The following LDLRAD4 variants were observed in gnomAD, a reference collection of about 807,000 sequenced individuals.
LDLRAD4 encodes low-density lipoprotein receptor class A domain-containing protein 4.
A neutral mutation model predicts 17.0 loss-of-function variants in LDLRAD4; 5 were observed. The ratio of observed to expected loss-of-function variants is 0.29; its 90% CI spans 0.15 to 0.62. The LOEUF is 0.62. Ranked by LOEUF, LDLRAD4 falls within the 20% of genes least tolerant of loss-of-function variation. The pLI is 0.84. For missense variants in LDLRAD4, 340 were observed against 424.7 expected (o/e 0.80, Z 1.75); for synonymous variants, 168 against 171.8 (o/e 0.98, Z 0.17).
At chr18:13,548,124 C>T (rs749408349) in intron 3 of LDLRAD4, among the ~76,000 whole-genome samples, 42 of 152,160 alleles carry the variant, frequency 2.8e-4, no homozygotes, top group Non-Finnish European at 4.9e-4. Flanking sequence ...GAGTGGGTGG[C>T]TCCTCTCTGC....
At chr18:13,609,459 C>T (rs555795291) in intron 3 of LDLRAD4, among the ~76,000 whole-genome samples, 2 of 152,320 alleles carry the variant, frequency 1.3e-5, no homozygotes, top group South Asian at 4.1e-4. Context: ...GTTTAAGCCA[C>T]ACATCCCAAG....
chr18:13,536,502 A>G (rs1437227731), intron 3 of LDLRAD4, among the ~76,000 whole-genome samples: 1 of 152,116 alleles, frequency 6.6e-6, no homozygotes, highest in African/African-American at 2.4e-5. Context: ...TATTTGTTCT[A>G]GTAGCTCGTT....
At chr18:13,508,440 C>T (rs1299607979) in intron 3 of LDLRAD4, among the ~76,000 whole-genome samples, 1 of 152,200 alleles carries the variant, frequency 6.6e-6, no homozygotes, top group Non-Finnish European at 1.5e-5. Flanking sequence ...GTTTTCATAG[C>T]TGGAGAGGTC....
chr18:13,224,496 T>TTTTTTTTG, intron 1 of LDLRAD4, among the ~76,000 whole-genome samples: 1 of 147,308 alleles, frequency 6.8e-6, no homozygotes. Context: ...TTTTTTTTTT[T>TTTTTTTTG]TGAGACGGAG....
intron 5 of LDLRAD4, 52 bp downstream of exon 6, chr18:13,643,464 G>GGGGGGC: frequency 3.5e-6 from 1 of 288,988 alleles, no homozygotes; most frequent in Non-Finnish European, 6.5e-6. Context: ...GGTGGGTGGG[G>GGGGGGC]ATGAAGGGGG....
At chr18:13,467,243 G>A (rs1012915743) in intron 3 of LDLRAD4, among the ~76,000 whole-genome samples, 2 of 152,166 alleles carry the variant, frequency 1.3e-5, no homozygotes, top group Non-Finnish European at 2.9e-5. Context: ...TATGTATAGA[G>A]TATCTCCGAG....
chr18:13,360,236 C>T (rs916603514), intron 1 of LDLRAD4, among the ~76,000 whole-genome samples: 1 of 152,174 alleles, frequency 6.6e-6, no homozygotes, highest in African/African-American at 2.4e-5. Flanking sequence ...CATCACATCT[C>T]GGAGCCACTT....
chr18:13,436,010 A>G (rs544112005), intron 2 of LDLRAD4, among the ~76,000 whole-genome samples: 3 of 152,338 alleles, frequency 2.0e-5, no homozygotes, highest in South Asian at 2.1e-4. Flanking sequence ...TATCTGCTCT[A>G]ATTATTTCAC....
At chr18:13,387,720 A>G (rs1417931576) in exon 2 of LDLRAD4, 3 of 1,613,808 alleles carry the variant, frequency 1.9e-6, no homozygotes, top group Non-Finnish European at 2.5e-6. Flanking sequence ...TCCGGGGAGC[A>G]GTATGCCGGA....
At chr18:13,560,747 A>C (rs1358714223) in intron 3 of LDLRAD4, among the ~76,000 whole-genome samples, 5 of 152,214 alleles carry the variant, frequency 3.3e-5, no homozygotes, top group Non-Finnish European at 5.9e-5. Context: ...GTTGAGAATA[A>C]TAATTAAAGA....
intron 4 of LDLRAD4, among the ~76,000 whole-genome samples, chr18:13,624,801 C>T (rs961201514): frequency 1.3e-5 from 2 of 152,162 alleles, no homozygotes; most frequent in Non-Finnish European, 2.9e-5. Context: ...GGGCCCTGTG[C>T]CCCCTGGCAG....
intron 3 of LDLRAD4, among the ~76,000 whole-genome samples, chr18:13,586,332 G>C (rs574841687): frequency 1.4e-5 from 2 of 143,470 alleles, no homozygotes. Context: ...GCTTGAACCC[G>C]GGAGGCGGAG....
intron 1 of LDLRAD4, among the ~76,000 whole-genome samples, chr18:13,386,395 T>G (rs1406846071): frequency 6.6e-6 from 1 of 151,470 alleles, no homozygotes; most frequent in African/African-American, 2.4e-5. Flanking sequence ...TGAGATGGAG[T>G]TTTGCTCTTG....
intron 3 of LDLRAD4, among the ~76,000 whole-genome samples, chr18:13,557,525 C>G (rs918460681): frequency 2.0e-5 from 3 of 152,176 alleles, no homozygotes; most frequent in African/African-American, 7.2e-5. Context: ...CTCAGCCTCC[C>G]AAGTAGCTGG....
intron 3 of LDLRAD4, among the ~76,000 whole-genome samples, chr18:13,609,994 A>T (rs1191518823): frequency 1.3e-5 from 2 of 152,160 alleles, no homozygotes; most frequent in African/African-American, 4.8e-5. Flanking sequence ...AAAAGAAAAA[A>T]GAAAAGAAAA....
intron 1 of LDLRAD4, among the ~76,000 whole-genome samples, chr18:13,350,098 CAT>C (rs2082953022): frequency 6.6e-6 from 1 of 152,012 alleles, no homozygotes; most frequent in Non-Finnish European, 1.5e-5. Flanking sequence ...AAATATACAA[CAT>C]GTGTCTTTAT....
chr18:13,616,572 C>T (rs1007013437), intron 3 of LDLRAD4, among the ~76,000 whole-genome samples: 12 of 152,210 alleles, frequency 7.9e-5, no homozygotes, highest in African/African-American at 2.9e-4. Context: ...GGGCCCCGCA[C>T]CAGACCCTGA....
intron 3 of LDLRAD4, among the ~76,000 whole-genome samples, chr18:13,604,524 T>C (rs1035384028): frequency 6.6e-6 from 1 of 152,132 alleles, no homozygotes; most frequent in Non-Finnish European, 1.5e-5. Context: ...TTTTATGGGG[T>C]TAAAAACTGA....
chr18:13,324,533 G>A (rs953198933), intron 1 of LDLRAD4, among the ~76,000 whole-genome samples: 2 of 152,162 alleles, frequency 1.3e-5, no homozygotes, highest in African/African-American at 4.8e-5. Flanking sequence ...GTGGCAGAAC[G>A]GGGAAGAGGG....
Sources: gnomAD v4.1 joint callset for allele counts (sites outside exome capture counted in the v4.1 genomes callset) on GRCh38, gnomAD v4.1.1 for gene constraint, MANE v1.5 for transcripts, NCBI Gene and HGNC (gene_info 2026-07-23, HGNC 2026-07-21) for gene names.